PCDHGA10: variants seen among roughly 807,000 people sequenced by gnomAD.
The protein encoded by PCDHGA10 is protocadherin gamma-A10.
Under a neutral mutation model 59.5 loss-of-function variants are expected in PCDHGA10, and 42 were observed. The observed-to-expected ratio is 0.71, with a 90% confidence interval of 0.55 to 0.91. The LOEUF (loss-of-function observed/expected upper bound fraction) is 0.91. PCDHGA10 is among the 40% of genes least tolerant of loss of function. The pLI, the probability that PCDHGA10 is intolerant of heterozygous loss-of-function variation, is 0.00. For synonymous variants in PCDHGA10, 511 were observed against 517.2 expected, an observed-to-expected ratio of 0.99 and a Z score of 0.16; for missense variants, 1,111 against 1,198.2, an observed-to-expected ratio of 0.93 and a Z score of 1.07.
Position 141,490,896 on chromosome 5 carries a change from G to A in PCDHGA10, c.2437-3911G>A. 6.2e-7 allele frequency: 1 copy of A among 1,613,938 alleles called. No homozygotes were observed. Among genetic ancestry groups the A allele is most frequent in the Non-Finnish European group, 8.5e-7 (1 of 1,179,922 alleles). ...TGCATGCCAACACATCTCTGCATGTGTTTGTCCTAGACGAGAATGATAATG... is the reference window on the plus strand; with the variant it reads ...TGCATGCCAACACATCTCTGCATGTATTTGTCCTAGACGAGAATGATAATG... On this transcript the variant is annotated intron_variant, in intron 1 of 3. Coordinates refer to ENST00000398610, the MANE Select transcript of PCDHGA10 (RefSeq NM_018913.3). This position sits in a 1 kb window ranked among gnomAD's most constrained non-coding sequence, Gnocchi z 5.4.
chr5:141,418,282 A>C, intron 1 of PCDHGA10: 1 of 1,614,030 alleles, frequency 6.2e-7, no homozygotes, highest in Non-Finnish European at 8.5e-7. Flanking sequence ...TAAACTTAGA[A>C]ATCAGTGAAT....
At chr5:141,427,923 C>T (rs2097089935) in intron 1 of PCDHGA10, 3 of 1,580,656 alleles carry the variant, frequency 1.9e-6, no homozygotes, top group African/African-American at 1.3e-5. Context: ...CATGAGCCGG[C>T]GCATGTTGGT....
At chr5:141,478,712 G>T in intron 1 of PCDHGA10, 1 of 1,547,046 alleles carries the variant, frequency 6.5e-7, no homozygotes, top group Non-Finnish European at 8.7e-7. Flanking sequence ...TTTGTGAGAT[G>T]GTGGCCTGCC....
Position 141,487,494 on chromosome 5 carries a change from C to A in PCDHGA10, c.2437-7313C>A, listed in dbSNP as rs116370895. On this transcript the variant is annotated intron_variant, in intron 1 of 3. Transcript: ENST00000398610. The surrounding 1 kb of genome is among the most constrained non-coding windows in gnomAD (Gnocchi z 5.0). The stretch of plus-strand genomic sequence containing the variant: ...GGAGGCCACTCTCATGGCTGTACAC[C>A]CTTGGCTTCTGCACCCACTCGGAGT... 1,421 of 1,614,120 alleles carry A rather than the reference C, an allele frequency of 8.8e-4. 3 individuals are homozygous for A. Among genetic ancestry groups the A allele is most frequent in the Non-Finnish European group, 1.2e-3 (1,358 of 1,180,034 alleles).
intron 1 of PCDHGA10, chr5:141,426,875 C>T (rs1005769074): frequency 8.8e-6 from 4 of 456,566 alleles, no homozygotes; most frequent in African/African-American, 4.0e-5. Context: ...TGGAGAAGCC[C>T]CTGGGCCAGG....
Position 141,477,393 on chromosome 5 carries a change from G to A in PCDHGA10, c.2437-17414G>A, listed in dbSNP as rs1397453429. On this transcript the variant is annotated intron_variant, in intron 1 of 3. Transcript: ENST00000398610. This position sits in a 1 kb window ranked among gnomAD's most constrained non-coding sequence, Gnocchi z 4.9. The stretch of plus-strand genomic sequence containing the variant: ...GAGACTGTGCCAGAATACAACCTCA[G>A]CATCACCGCCCGAGACGCCGGAACC... The A allele has an allele frequency of 5.6e-6, 9 of 1,614,098 alleles. No individual in the cohort carries two copies. Among genetic ancestry groups the A allele is most frequent in the Non-Finnish European group, 7.6e-6 (9 of 1,180,028 alleles).
intron 1 of PCDHGA10, among the ~76,000 whole-genome samples, chr5:141,446,356 A>G (rs73280911): frequency 0.088 from 13,411 of 152,284 alleles, 771 homozygotes; most frequent in African/African-American, 0.16. Flanking sequence ...CTACCATTTG[A>G]TGAGAATGGA....
intron 1 of PCDHGA10, among the ~76,000 whole-genome samples, chr5:141,483,526 G>A (rs2099582495): frequency 6.6e-6 from 1 of 152,118 alleles, no homozygotes; most frequent in African/African-American, 2.4e-5. Flanking sequence ...TCCTGACTAA[G>A]GAAGCTGGGT....
rs117064561 is a variant in PCDHGA10, at chr5:141,470,737, G to T, written c.2437-24070G>T. Among the ~76,000 whole-genome samples the T allele has an allele frequency of 1.9e-3, 295 of 152,132 alleles. 7 individuals carry two copies. In the East Asian group the frequency reaches 0.046, roughly 24 times the overall value. On this transcript the variant is annotated intron_variant, in intron 1 of 3. Coordinates refer to ENST00000398610, the MANE Select transcript of PCDHGA10 (RefSeq NM_018913.3). ...TTTTGAGTCAGGGTCTTGCTCTGTC[G>T]CCCTGGCTGGAGTGCAGTGGACTCA...
At chr5:141,439,126 G>A (rs2098089550) in intron 1 of PCDHGA10, among the ~76,000 whole-genome samples, 1 of 151,328 alleles carries the variant, frequency 6.6e-6, no homozygotes, top group African/African-American at 2.4e-5. Flanking sequence ...CCGGGAGACA[G>A]AGGTTGCAGT....
rs757503771 is a variant in PCDHGA10 at position 141,433,052 on chromosome 5, A to C, written c.2436+17441A>C. 31 of 1,614,060 alleles carry C rather than the reference A, an allele frequency of 1.9e-5. No homozygotes were observed. Among genetic ancestry groups the C allele is most frequent in the Non-Finnish European group, 1.8e-5 (21 of 1,180,044 alleles). On this transcript the variant is annotated intron_variant, in intron 1 of 3. Coordinates refer to ENST00000398610, the MANE Select transcript of PCDHGA10 (RefSeq NM_018913.3). ...GGTTTCCCTCACCACGGACTCGCGG[A>C]AGAGTCACCTGATCTTCCCCCAGCC...
chr5:141,438,760 C>T (rs1346379482), intron 1 of PCDHGA10, among the ~76,000 whole-genome samples: 4 of 148,802 alleles, frequency 2.7e-5, no homozygotes, highest in South Asian at 2.1e-4. Context: ...CTCCTGGGTT[C>T]AAGCGATTCT....
chr5:141,445,608 C>T (rs2098472204), intron 1 of PCDHGA10, among the ~76,000 whole-genome samples: 1 of 152,108 alleles, frequency 6.6e-6, no homozygotes, highest in South Asian at 2.1e-4. Context: ...TCAAGGAAGG[C>T]TTTCTTTTTT....
In PCDHGA10 at chr5:141,511,979, T is replaced by C. The variant is rs1205375941; in HGVS notation, c.*806T>C. ...AGGAAGGGAAGTGTGTGGATGTGGA[T>C]GGTGGGGGCATGGACAAAGCTTGAC... On this transcript the variant is annotated 3_prime_UTR_variant, in exon 4 of 4. Transcript: ENST00000398610. The C allele has an allele frequency of 6.5e-5, 10 of 153,278 alleles. No individual in the cohort carries two copies. The highest frequency in any genetic ancestry group is 1.5e-4 in the Non-Finnish European group (10 of 68,568). The allele number at this position is 153,278 out of a possible 1,614,324, so 9.5% of individuals were successfully genotyped here.
At chr5:141,415,881 T>C (rs1589997447) in intron 1 of PCDHGA10, 1 of 1,003,346 alleles carries the variant, frequency 1.0e-6, no homozygotes, top group Non-Finnish European at 1.3e-6. Context: ...GAGTACAATA[T>C]TGACAATTCC....
intron 1 of PCDHGA10, among the ~76,000 whole-genome samples, chr5:141,446,448 T>C (rs954515926): frequency 2.6e-5 from 4 of 152,028 alleles, no homozygotes; most frequent in Non-Finnish European, 5.9e-5. Context: ...ACAGTGCAGA[T>C]ATTCAGTGTG....
rs2233600 is a variant in PCDHGA10, at chr5:141,489,134, A to C, written c.2437-5673A>C. 9,827 of 731,232 alleles carry C rather than the reference A, an allele frequency of 0.013. 1,099 individuals are homozygous for C. The East Asian group carries it at 0.25, about 19-fold the overall frequency. The allele number at this position is 731,232 out of a possible 1,614,324, so 45.3% of individuals were successfully genotyped here. A position where few individuals can be genotyped will look rare whatever the true frequency, so the allele number is the denominator to read the frequency against. Reference sequence around the variant, plus strand: ...GGCAAACCTCCGAGCAGTTTTTAAGAGGCTGGAAGGAGACATAAGAGACTT... The same window carrying C: ...GGCAAACCTCCGAGCAGTTTTTAAGCGGCTGGAAGGAGACATAAGAGACTT... On this transcript the variant is annotated intron_variant, in intron 1 of 3. Transcript: ENST00000398610. The surrounding 1 kb of genome is among the most constrained non-coding windows in gnomAD (Gnocchi z 4.5).
intron 1 of PCDHGA10, among the ~76,000 whole-genome samples, chr5:141,462,493 A>G (rs1432919197): frequency 2.0e-5 from 3 of 152,144 alleles, no homozygotes; most frequent in South Asian, 4.1e-4. Context: ...GTTGTATCCT[A>G]TAATTGTCAA....
At chr5:141,421,579 T>A (rs753573473) in intron 1 of PCDHGA10, 1 of 1,613,934 alleles carries the variant, frequency 6.2e-7, no homozygotes, top group Non-Finnish European at 8.5e-7. Flanking sequence ...CTTGAAGATT[T>A]ACGGAGTGGA....
Sources: gnomAD v4.1 joint callset for allele counts (sites outside exome capture counted in the v4.1 genomes callset) on GRCh38, gnomAD v4.1.1 for gene constraint, Gnocchi (gnomAD v3.1) non-coding constraint, MANE v1.5 for transcripts, NCBI Gene and HGNC (gene_info 2026-07-23, HGNC 2026-07-21) for gene names.